Variants in NAALADL2 observed in about 807,000 individuals in gnomAD.
The protein encoded by NAALADL2 is N-acetylated alpha-linked acidic dipeptidase like 2.
Under a neutral mutation model 87.2 loss-of-function variants are expected in NAALADL2, and 76 were observed. That is an observed-to-expected ratio of 0.87 (90% CI 0.72 to 1.05). The LOEUF is 1.05. Ranked by LOEUF, NAALADL2 falls within the 50% of genes least tolerant of loss-of-function variation. The pLI is 0.00. For synonymous variants in NAALADL2, 354 were observed against 331.0 expected, an observed-to-expected ratio of 1.07 and a Z score of -0.75; for missense variants, 1,089 against 945.8, an observed-to-expected ratio of 1.15 and a Z score of -1.99.
At chr3:175,223,282 C>T (rs966602880) in intron 2 of NAALADL2, among the ~76,000 whole-genome samples, 3 of 151,464 alleles carry the variant, frequency 2.0e-5, no homozygotes, top group Non-Finnish European at 4.4e-5. Context: ...TTTCTTCCAC[C>T]ACCATATACC....
chr3:174,976,416 T>G (rs1199933169), intron 1 of NAALADL2, among the ~76,000 whole-genome samples: 1 of 152,234 alleles, frequency 6.6e-6, no homozygotes, highest in African/African-American at 2.4e-5. Flanking sequence ...TTAATGTGTC[T>G]TCTTGTATGT....
rs1560995488 is a variant in NAALADL2 at position 175,698,436 on chromosome 3, T to TGTATGTGTATTTATGTATGTATAC, written c.1897-38870_1897-38869insGTATGTGTATTTATGTATGTATAC. ...GTATGTATACATATGTATGTGTATATATTTATGTATGTATACATATATGTG... is the reference window on the plus strand; with the variant it reads ...GTATGTATACATATGTATGTGTATATGTATGTGTATTTATGTATGTATACATTTATGTATGTATACATATATGTG... On this transcript the variant is annotated intron_variant, in intron 11 of 13. Coordinates refer to ENST00000454872, the MANE Select transcript of NAALADL2 (RefSeq NM_207015.3). 9.6e-5 allele frequency among the ~76,000 whole-genome samples: 13 copies of TGTATGTGTATTTATGTATGTATAC among 135,220 alleles called. 2 individuals carry two copies. The highest frequency in any genetic ancestry group is 3.8e-4 in the African/African-American group (13 of 34,602). The allele number at this position is 135,220 out of a possible 152,430, so 88.7% of individuals were successfully genotyped here. A position where few individuals can be genotyped will look rare whatever the true frequency, so the allele number is the denominator to read the frequency against.
chr3:174,733,624 C>A (rs1268565194), intron 2 of NAALADL2, among the ~76,000 whole-genome samples: 1 of 152,158 alleles, frequency 6.6e-6, no homozygotes, highest in Non-Finnish European at 1.5e-5. Context: ...CTTTCTGTTA[C>A]CGAAACACCA....
At chr3:175,009,042 T>A (rs1425509761) in intron 1 of NAALADL2, among the ~76,000 whole-genome samples, 1 of 152,204 alleles carries the variant, frequency 6.6e-6, no homozygotes, top group African/African-American at 2.4e-5. Flanking sequence ...CATTTGCTAA[T>A]GATAAATTTT....
At chr3:174,799,183 A>C (rs932042235) in intron 3 of NAALADL2, among the ~76,000 whole-genome samples, 10 of 151,826 alleles carry the variant, frequency 6.6e-5, no homozygotes, top group African/African-American at 2.4e-4. Context: ...AAAAAAAAAA[A>C]AATTATTTTG....
At chr3:175,304,730 A>T (rs1757488565) in intron 4 of NAALADL2, among the ~76,000 whole-genome samples, 1 of 152,180 alleles carries the variant, frequency 6.6e-6, no homozygotes, top group Non-Finnish European at 1.5e-5. Context: ...AGATGCTGCA[A>T]CCTTCAGCTA....
intron 4 of NAALADL2, among the ~76,000 whole-genome samples, chr3:175,304,732 C>T (rs1368078641): frequency 6.6e-6 from 1 of 152,184 alleles, no homozygotes; most frequent in African/African-American, 2.4e-5. Flanking sequence ...ATGCTGCAAC[C>T]TTCAGCTAGC....
chr3:175,678,680 C>CA (rs1242552995), intron 11 of NAALADL2, among the ~76,000 whole-genome samples: 1 of 152,112 alleles, frequency 6.6e-6, no homozygotes, highest in East Asian at 1.9e-4. Context: ...ACAATGAGAA[C>CA]ACTTGGACAC....
chr3:175,002,516 C>T (rs1212064292), intron 1 of NAALADL2, among the ~76,000 whole-genome samples: 4 of 152,076 alleles, frequency 2.6e-5, no homozygotes, highest in Non-Finnish European at 5.9e-5. Context: ...GAACCCATGC[C>T]ACTTAATGAT....
intron 1 of NAALADL2, among the ~76,000 whole-genome samples, chr3:175,056,312 A>C (rs2109048744): frequency 6.6e-6 from 1 of 152,204 alleles, no homozygotes; most frequent in South Asian, 2.1e-4. Context: ...TAGTGTGAAA[A>C]GTTTCCAAAG....
At chr3:175,719,130 AG>A (rs1444525352) in intron 11 of NAALADL2, among the ~76,000 whole-genome samples, 1 of 151,994 alleles carries the variant, frequency 6.6e-6, no homozygotes, top group Non-Finnish European at 1.5e-5. Context: ...AAAATAAATC[AG>A]GTTGTCAAGC....
At chr3:175,702,981 T>A (rs888229382) in intron 11 of NAALADL2, among the ~76,000 whole-genome samples, 2 of 152,142 alleles carry the variant, frequency 1.3e-5, no homozygotes, top group Admixed American at 1.3e-4. Context: ...ATTCCACCAA[T>A]GTGCTACAAA....
intron 3 of NAALADL2, among the ~76,000 whole-genome samples, chr3:174,821,904 G>C (rs143807344): frequency 6.6e-6 from 1 of 152,276 alleles, no homozygotes; most frequent in East Asian, 1.9e-4. Flanking sequence ...GACAGCTAGG[G>C]AGGGGTTTGG....
intron 2 of NAALADL2, among the ~76,000 whole-genome samples, chr3:174,698,672 G>A (rs1205640250): frequency 9.8e-6 from 1 of 101,792 alleles, no homozygotes; most frequent in African/African-American, 6.1e-5. Flanking sequence ...AGACCATCCC[G>A]GCTAAAATGG....
chr3:174,891,975 A>G (rs1006306928), intron 1 of NAALADL2, among the ~76,000 whole-genome samples: 1 of 152,118 alleles, frequency 6.6e-6, no homozygotes, highest in African/African-American at 2.4e-5. Flanking sequence ...AGCCACAACA[A>G]GGTATCTCTA....
At chr3:174,894,835 T>A (rs562225434) in intron 1 of NAALADL2, among the ~76,000 whole-genome samples, 17 of 152,024 alleles carry the variant, frequency 1.1e-4, no homozygotes, top group Non-Finnish European at 1.9e-4. Context: ...ATATCAAACA[T>A]CTTCTCTGAA....
intron 9 of NAALADL2, among the ~76,000 whole-genome samples, chr3:175,475,024 T>TCACACACAC (rs1376680590): frequency 6.7e-6 from 1 of 149,718 alleles, no homozygotes; most frequent in Admixed American, 6.7e-5. Context: ...AACATTTAAG[T>TCACACACAC]ACACACACAC....
chr3:174,786,461 A>G (rs367738136), intron 3 of NAALADL2, among the ~76,000 whole-genome samples: 1 of 138,976 alleles, frequency 7.2e-6, no homozygotes, highest in Admixed American at 7.3e-5. Flanking sequence ...AAAAAAAAAA[A>G]AAAAATAATA....
At chr3:174,823,304 T>C (rs1649041140) in intron 3 of NAALADL2, among the ~76,000 whole-genome samples, 1 of 152,162 alleles carries the variant, frequency 6.6e-6, no homozygotes, top group African/African-American at 2.4e-5. Context: ...AAAGCTTTGT[T>C]GTTTTCTCAT....
Sources: gnomAD v4.1 joint callset for allele counts (sites outside exome capture counted in the v4.1 genomes callset) on GRCh38, gnomAD v4.1.1 for gene constraint, MANE v1.5 for transcripts, NCBI Gene and HGNC (gene_info 2026-07-23, HGNC 2026-07-21) for gene names.